Variants in TEK observed in about 807,000 individuals in gnomAD.
TEK encodes the protein TEK receptor tyrosine kinase.
In TEK, 43 loss-of-function variants were observed where a neutral mutation model predicts 131.8. The observed-to-expected ratio is 0.33, with a 90% CI of 0.26 to 0.42. The LOEUF (loss-of-function observed/expected upper bound fraction) is 0.42. Among genes scored for constraint, TEK ranks in the 10% least tolerant of loss-of-function variants. TEK has a pLI of 1.00. For synonymous variants in TEK, 580 were observed against 491.6 expected (o/e 1.18, Z -2.38); for missense variants, 1,162 against 1,384.4 (o/e 0.84, Z 2.55).
At chr9:27,136,426 A>G (rs988479646) in intron 1 of TEK, among the ~76,000 whole-genome samples, 1 of 152,246 alleles carries the variant, frequency 6.6e-6, no homozygotes, top group Admixed American at 6.5e-5. Context: ...TGCGGCTTCA[A>G]TTGACTTTAC....
intron 1 of TEK, among the ~76,000 whole-genome samples, chr9:27,126,864 C>A (rs1822007798): frequency 6.6e-6 from 1 of 152,092 alleles, no homozygotes; most frequent in Non-Finnish European, 1.5e-5. Context: ...GACTGGATTC[C>A]CCGAAGCAGG....
intron 1 of TEK, among the ~76,000 whole-genome samples, chr9:27,137,729 G>A (rs1051397702): frequency 7.2e-5 from 11 of 152,054 alleles, no homozygotes; most frequent in Non-Finnish European, 1.5e-4. Context: ...AGATCCCAGA[G>A]GCTCACTATT....
At chr9:27,228,057 G>A (rs1826408961) in intron 21 of TEK, 149 bp from the exon 22 acceptor site, 10 of 587,006 alleles carry the variant, frequency 1.7e-5, no homozygotes, top group South Asian at 1.3e-4. Context: ...AGGGAGGTGG[G>A]AGTCCTCATA....
intron 1 of TEK, among the ~76,000 whole-genome samples, chr9:27,131,478 CAAAA>C (rs537408115): frequency 3.1e-5 from 3 of 97,150 alleles, no homozygotes; most frequent in African/African-American, 3.8e-5. Context: ...GACCCTGTCT[CAAAA>C]AAAAAAAAAA....
chr9:27,153,695 A>G lies in TEK; in HGVS notation c.53-4136A>G, dbSNP rs181586182. 2.0e-5 allele frequency among the ~76,000 whole-genome samples: 3 copies of G among 152,360 alleles called. No homozygotes were observed. In the East Asian group the frequency reaches 5.8e-4, roughly 29 times the overall value. On this transcript the variant is annotated intron_variant, in intron 1 of 22. Coordinates refer to ENST00000380036, the MANE Select transcript of TEK (RefSeq NM_000459.5). ...ATAGCGCTATAATGTAAGAAAGGGT[A>G]TTAAGCAGAGAGATTGATATTGGTA...
intron 1 of TEK, among the ~76,000 whole-genome samples, chr9:27,130,192 A>C (rs1273322452): frequency 1.3e-5 from 2 of 152,228 alleles, no homozygotes; most frequent in Non-Finnish European, 1.5e-5. Flanking sequence ...TTACAGTTCC[A>C]GGAATTTGGA....
In TEK at chr9:27,172,631, A is replaced by G. The variant is rs1397738049; in HGVS notation, c.644A>G (p.Lys215Arg). The G allele has an allele frequency of 9.3e-6, 15 of 1,613,700 alleles. No homozygotes were observed. The East Asian group carries it at 3.3e-4, about 36-fold the overall frequency. Residue 215 changes from lysine (K) to arginine (R), a missense_variant, in exon 5 of 23, where the codon AAG (lysine) becomes AGG (arginine). Physicochemically the swap from Lys to Arg is conservative, Grantham distance 26 (BLOSUM62 2). Around this residue, in one of 6 missense-constraint regions of TEK, gnomAD observed 436 missense variants for 539.1 expected, o/e 0.81. Transcript: ENST00000380036. ...RLIVRRCEAQ[K>R]WGPECNHLCT... The stretch of plus-strand genomic sequence containing the variant: ...TTAACAAAAGGATGTGAAGCCCAGA[A>G]GTGGGGACCTGAATGCAACCATCTC...
chr9:27,111,113 G>T (rs1448862646), intron 1 of TEK, among the ~76,000 whole-genome samples: 1 of 152,074 alleles, frequency 6.6e-6, no homozygotes, highest in African/African-American at 2.4e-5. Context: ...TGCAATACAG[G>T]CTTAGAAGAA....
intron 13 of TEK, 115 bp from the exon 14 acceptor site, chr9:27,204,796 C>A: frequency 7.2e-7 from 1 of 1,386,638 alleles, no homozygotes; most frequent in Non-Finnish European, 1.0e-6. Flanking sequence ...GGTTAGGTGG[C>A]AGGGTTAAGG....
In TEK at chr9:27,127,753, T is replaced by TC. The variant is rs538388445; in HGVS notation, c.52+18111_52+18112insC. On this transcript the variant is annotated intron_variant, in intron 1 of 22. Transcript: ENST00000380036. ...AGTGATGATGAGCATTTTTTCATGT[T>TC]TGTTGGCTGCATAAATGTCTTCTTT... 1.8e-3 allele frequency among the ~76,000 whole-genome samples: 271 copies of TC among 152,296 alleles called. 2 individuals carry two copies. Among genetic ancestry groups the TC allele is most frequent in the African/African-American group, 6.4e-3 (264 of 41,568 alleles).
intron 1 of TEK, among the ~76,000 whole-genome samples, chr9:27,135,188 C>T (rs980796281): frequency 1.3e-5 from 2 of 150,864 alleles, no homozygotes; most frequent in African/African-American, 4.9e-5. Flanking sequence ...CGTGCCACTG[C>T]ACTCCAGCCT....
chr9:27,115,697 C>T (rs1821527720), intron 1 of TEK, among the ~76,000 whole-genome samples: 1 of 152,056 alleles, frequency 6.6e-6, no homozygotes, highest in Non-Finnish European at 1.5e-5. Flanking sequence ...TTATAACTTG[C>T]TCATAGCCAA....
rs780511049 is a variant in TEK at position 27,180,215 on chromosome 9, G to A, written c.902-25G>A. 16 of 1,613,206 alleles carry A rather than the reference G, an allele frequency of 9.9e-6. No homozygotes were observed. In the African/African-American group the frequency reaches 1.7e-4, roughly 18 times the overall value. On this transcript the variant is annotated intron_variant, in intron 6 of 22. Transcript: ENST00000380036. ...TCCTCTCTTCCCCTGGATTAATACT[G>A]GTTTTTTGATGTCTCTGTTTACAGC...
At chr9:27,131,055 C>T (rs6475959) in intron 1 of TEK, among the ~76,000 whole-genome samples, 78,860 of 152,020 alleles carry the variant, frequency 0.52, 21,443 homozygotes, top group African/African-American at 0.55. Flanking sequence ...CAATTTTCCA[C>T]GTCAAACTAG....
At chr9:27,136,225 G>C (rs111288635) in intron 1 of TEK, among the ~76,000 whole-genome samples, 17,935 of 151,874 alleles carry the variant, frequency 0.12, 1,446 homozygotes, top group Middle Eastern at 0.26. Context: ...GGGACTATAG[G>C]TGCATGCCAC....
rs549234128 is a variant in TEK at position 27,137,002 on chromosome 9, G to A, written c.53-20829G>A. On this transcript the variant is annotated intron_variant, in intron 1 of 22. Coordinates refer to ENST00000380036, the MANE Select transcript of TEK (RefSeq NM_000459.5). ...GCAGTCTCGGCTCACTGCAACCTCT[G>A]CCTCCCGGGTTCAAGCGATTCTCCT... 3.9e-5 allele frequency among the ~76,000 whole-genome samples: 6 copies of A among 152,210 alleles called. No homozygotes were observed. The South Asian group carries it at 6.2e-4, about 16-fold the overall frequency.
rs532313466 is a variant in TEK at position 27,206,700 on chromosome 9, A to C, written c.2483A>C (p.Asp828Ala). Residue 828 changes from aspartate (D) to alanine (A), a missense_variant, in exon 15 of 23, where the codon GAT becomes GCT. Physicochemically the swap from Asp to Ala is moderately radical, Grantham distance 126. Coordinates refer to ENST00000380036, the MANE Select transcript of TEK (RefSeq NM_000459.5). ...GACTGGAATGACATCAAATTTCAAG[A>C]TGTGATTGGGGAGGGCAATTTTGGC... Reference protein sequence around the residue: ...VLDWNDIKFQDVIGEGNFGQV... With the variant: ...VLDWNDIKFQAVIGEGNFGQV... 2 of 1,614,110 alleles carry C rather than the reference A, an allele frequency of 1.2e-6. No homozygotes were observed. The highest frequency in any genetic ancestry group is 1.7e-6 in the Non-Finnish European group (2 of 1,179,998).
intron 1 of TEK, among the ~76,000 whole-genome samples, chr9:27,126,611 G>A (rs1404379403): frequency 6.6e-6 from 1 of 152,208 alleles, no homozygotes; most frequent in Non-Finnish European, 1.5e-5. Flanking sequence ...CTGCAATAAA[G>A]TTTCCATAGA....
chr9:27,111,772 T>C (rs2782414), intron 1 of TEK, among the ~76,000 whole-genome samples: 141,417 of 152,174 alleles, frequency 0.93, 66,550 homozygotes, highest in East Asian at 1. Context: ...CTTTAAAAAG[T>C]TGTATATGTA....
Sources: allele counts gnomAD v4.1 joint callset (sites outside exome capture counted in the v4.1 genomes callset), GRCh38; gene constraint gnomAD v4.1.1; regional missense constraint gnomAD v4.1.1; transcripts MANE v1.5; gene names NCBI Gene and HGNC (gene_info 2026-07-23, HGNC 2026-07-21).